Variants in RALYL observed in about 807,000 individuals in gnomAD.
The protein encoded by RALYL is RALY RNA binding protein like, also known as RNA-binding Raly-like protein.
Under a neutral mutation model 35.1 loss-of-function variants are expected in RALYL, and 29 were observed. The observed-to-expected ratio is 0.83, with a 90% confidence interval of 0.61 to 1.13. The LOEUF (loss-of-function observed/expected upper bound fraction) is 1.13, where lower values mean the gene tolerates loss of function less well. Ranked by LOEUF, RALYL falls within the 50% of genes most tolerant of loss-of-function variation. RALYL has a pLI of 0.00. For synonymous variants in RALYL, 120 were observed against 127.6 expected, an observed-to-expected ratio of 0.94 and a Z score of 0.40; for missense variants, 359 against 360.4, an observed-to-expected ratio of 1.00 and a Z score of 0.03.
chr8:84,704,446 G>GACACACACACAC (rs3068023), intron 2 of RALYL, among the ~76,000 whole-genome samples: 6 of 104,064 alleles, frequency 5.8e-5, no homozygotes, highest in South Asian at 2.8e-4. Context: ...AATACACACA[G>GACACACACACAC]ACACACACAC....
At chr8:84,877,134 A>T (rs2135297733) in intron 7 of RALYL, among the ~76,000 whole-genome samples, 1 of 152,296 alleles carries the variant, frequency 6.6e-6, no homozygotes, top group South Asian at 2.1e-4. Context: ...TATCACTCTT[A>T]TGTTCTCTGA....
At chr8:84,401,550 A>C (rs1172656120) in intron 1 of RALYL, among the ~76,000 whole-genome samples, 5 of 144,470 alleles carry the variant, frequency 3.5e-5, no homozygotes, top group Non-Finnish European at 7.6e-5. Flanking sequence ...AGGCAGGAGA[A>C]TGGCATGAAC....
chr8:84,689,707 G>C (rs902018800), intron 2 of RALYL, among the ~76,000 whole-genome samples: 4 of 152,090 alleles, frequency 2.6e-5, no homozygotes, highest in Non-Finnish European at 5.9e-5. Context: ...GTGTAAAAGT[G>C]TTCCTATTTC....
intron 2 of RALYL, among the ~76,000 whole-genome samples, chr8:84,621,255 G>GGGCGTA (rs1351932827): frequency 1.3e-5 from 2 of 152,180 alleles, no homozygotes; most frequent in African/African-American, 4.8e-5. Context: ...CCGTGGGCGT[G>GGGCGTA]GGCGTAGGAC....
intron 7 of RALYL, among the ~76,000 whole-genome samples, chr8:84,882,950 C>T (rs1227010364): frequency 6.6e-6 from 1 of 152,046 alleles, no homozygotes; most frequent in Non-Finnish European, 1.5e-5. Context: ...GCCTATTAAA[C>T]TGTGAACCAA....
chr8:84,791,817 C>T (rs770466391), intron 3 of RALYL, among the ~76,000 whole-genome samples: 3 of 152,192 alleles, frequency 2.0e-5, no homozygotes, highest in Non-Finnish European at 4.4e-5. Flanking sequence ...TCATATTCAG[C>T]GATGTGGGCT....
chr8:84,841,726 C>A (rs1288330433), intron 4 of RALYL, among the ~76,000 whole-genome samples: 1 of 152,248 alleles, frequency 6.6e-6, no homozygotes, highest in East Asian at 1.9e-4. Flanking sequence ...AAGTAAAGCA[C>A]TCCTCTGCAA....
At chr8:84,261,965 C>T (rs1586621680) in intron 1 of RALYL, among the ~76,000 whole-genome samples, 1 of 152,180 alleles carries the variant, frequency 6.6e-6, no homozygotes, top group South Asian at 2.1e-4. Context: ...ATAATAAAGA[C>T]ACTTGACAGA....
chr8:84,685,317 TACCCATTGTA>T (rs924253357), intron 2 of RALYL, among the ~76,000 whole-genome samples: 4 of 152,092 alleles, frequency 2.6e-5, no homozygotes, highest in African/African-American at 9.7e-5. Context: ...CTTTTTTCTC[TACCCATTGTA>T]ACCCATCAAC....
intron 3 of RALYL, among the ~76,000 whole-genome samples, chr8:84,795,071 A>T (rs1442445796): frequency 6.6e-6 from 1 of 152,198 alleles, no homozygotes; most frequent in Admixed American, 6.5e-5. Context: ...CAGAGATTTC[A>T]GTTGCAGAGA....
At chr8:84,194,013 C>G (rs1434986041) in intron 1 of RALYL, among the ~76,000 whole-genome samples, 1 of 152,130 alleles carries the variant, frequency 6.6e-6, no homozygotes, top group African/African-American at 2.4e-5. Flanking sequence ...ATAGCAGACT[C>G]ACTAATTTTA....
chr8:84,414,929 C>T (rs932007305), intron 1 of RALYL, among the ~76,000 whole-genome samples: 1 of 152,066 alleles, frequency 6.6e-6, no homozygotes, highest in African/African-American at 2.4e-5. Flanking sequence ...GCACTTGAGA[C>T]CCAAGGTCAG....
At chr8:84,341,795 T>C (rs917251701) in intron 1 of RALYL, among the ~76,000 whole-genome samples, 3 of 152,012 alleles carry the variant, frequency 2.0e-5, no homozygotes, top group African/African-American at 7.2e-5. Context: ...ATTGTACAGA[T>C]ACATTTCACC....
At chr8:84,566,273 C>T (rs1352983467) in intron 2 of RALYL, among the ~76,000 whole-genome samples, 1 of 151,002 alleles carries the variant, frequency 6.6e-6, no homozygotes, top group Non-Finnish European at 1.5e-5. Flanking sequence ...TATACTGGAA[C>T]AAAAAAATGA....
intron 1 of RALYL, among the ~76,000 whole-genome samples, chr8:84,371,539 T>TCTCACACACACACACA (rs1475375050): frequency 6.9e-6 from 1 of 144,072 alleles, no homozygotes; most frequent in African/African-American, 2.6e-5. Flanking sequence ...TTTATGATTA[T>TCTCACACACACACACA]CACACACACA....
intron 2 of RALYL, among the ~76,000 whole-genome samples, chr8:84,654,271 A>ATATATATG (rs1491182411): frequency 1.2e-3 from 8 of 6,534 alleles, no homozygotes; most frequent in Middle Eastern, 0.062. Context: ...CTCATGTTCC[A>ATATATATG]TATATATATA....
At chr8:84,466,355 G>A (rs1009203561) in intron 1 of RALYL, among the ~76,000 whole-genome samples, 1 of 146,758 alleles carries the variant, frequency 6.8e-6, no homozygotes, top group African/African-American at 2.5e-5. Flanking sequence ...AGCATGATGG[G>A]TTGTTGAATT....
At chr8:84,459,106 T>C (rs935561032) in intron 1 of RALYL, among the ~76,000 whole-genome samples, 2 of 151,770 alleles carry the variant, frequency 1.3e-5, no homozygotes, top group Non-Finnish European at 2.9e-5. Context: ...TTTATAAATA[T>C]TTTATAACAT....
intron 1 of RALYL, among the ~76,000 whole-genome samples, chr8:84,327,446 G>A (rs1846005311): frequency 6.6e-6 from 1 of 152,104 alleles, no homozygotes; most frequent in Non-Finnish European, 1.5e-5. Context: ...GATGTAAAGG[G>A]CCATGTATGT....
Sources: allele counts gnomAD v4.1 joint callset (sites outside exome capture counted in the v4.1 genomes callset), GRCh38; gene constraint gnomAD v4.1.1; transcripts MANE v1.5; gene names NCBI Gene and HGNC (gene_info 2026-07-23, HGNC 2026-07-21).